Variants in OVCH1 observed in about 807,000 individuals in gnomAD.
OVCH1 encodes ovochymase 1, also known as ovochymase-1.
Under a neutral mutation model 138.4 loss-of-function variants are expected in OVCH1, and 139 were observed. That is an observed-to-expected ratio of 1.00 (90% CI 0.87 to 1.16). The LOEUF is 1.16. OVCH1 is among the 50% of genes most tolerant of loss of function. The pLI, the probability that OVCH1 is intolerant of heterozygous loss-of-function variation, is 0.00. For synonymous variants in OVCH1, 453 were observed against 467.8 expected, an observed-to-expected ratio of 0.97 and a Z score of 0.41; for missense variants, 1,367 against 1,357.9, an observed-to-expected ratio of 1.01 and a Z score of -0.11.
At chr12:29,422,269 T>G (rs1287151252) in intron 3 of OVCH1, among the ~76,000 whole-genome samples, 1 of 152,150 alleles carries the variant, frequency 6.6e-6, no homozygotes, top group Non-Finnish European at 1.5e-5. Context: ...AGATGAAATA[T>G]GGAAGGATAA....
At chr12:29,417,034 A>T (rs1169911435) in intron 3 of OVCH1, among the ~76,000 whole-genome samples, 3 of 152,250 alleles carry the variant, frequency 2.0e-5, no homozygotes, top group African/African-American at 7.2e-5. Flanking sequence ...AACTTGGATA[A>T]ATCTCCAGGG....
the OVCH1 span, among the ~76,000 whole-genome samples, chr12:29,402,242 G>GT: frequency 7.8e-3 from 1,188 of 152,150 alleles, 13 homozygotes; most frequent in African/African-American, 0.027. Context: ...AAAAGACAAA[G>GT]TAAAAATGGT....
chr12:29,440,234 G>T lies in OVCH1; in HGVS notation c.3158-800C>A, dbSNP rs1249150565. 5.3e-5 allele frequency among the ~76,000 whole-genome samples: 8 copies of T among 152,216 alleles called. No homozygotes were observed. In the East Asian group the frequency reaches 1.5e-3, roughly 29 times the overall value. On this transcript the variant is annotated intron_variant, in intron 25 of 27. Transcript: ENST00000318184. ...CCAGAGCTTGTAAACCTTATTTAGA[G>T]AAATTGAAATAGAGTCATAAAACTT...
At position 29,433,958 on chromosome 12, in the gene OVCH1, T is replaced by C. The variant is rs562196493; in HGVS notation, c.3265-145A>G. On this transcript the variant is annotated intron_variant, in intron 26 of 27. Transcript: ENST00000318184. ...TTAAAAAAAAATGAGTGTGAATGGA[T>C]TAATCTTAAGTACTGAGGGAATTCT... The C allele has an allele frequency of 9.1e-5, 58 of 636,124 alleles. No individual in the cohort carries two copies. The South Asian group carries it at 1.4e-3, about 16-fold the overall frequency. 39.4% of individuals were successfully genotyped at this position (636,124 alleles called of 1,614,324 possible).
downstream of OVCH1, among the ~76,000 whole-genome samples, chr12:29,407,619 A>C (rs1195357395): frequency 3.3e-5 from 5 of 151,816 alleles, no homozygotes; most frequent in African/African-American, 1.2e-4. Flanking sequence ...ATAGTTGTAG[A>C]TATGCAGCAT....
downstream of OVCH1, among the ~76,000 whole-genome samples, chr12:29,426,450 A>G (rs1242896245): frequency 6.6e-6 from 1 of 152,222 alleles, no homozygotes; most frequent in East Asian, 1.9e-4. Context: ...GAAACTGAAA[A>G]GTCCCAAATT....
intron 27 of OVCH1, among the ~76,000 whole-genome samples, chr12:29,432,750 G>T (rs1314174784): frequency 1.3e-5 from 2 of 152,138 alleles, no homozygotes; most frequent in African/African-American, 4.8e-5. Context: ...CTGGGTCCTG[G>T]GATACCTCAA....
downstream of OVCH1, among the ~76,000 whole-genome samples, chr12:29,410,917 G>A (rs1940946270): frequency 6.6e-6 from 1 of 151,860 alleles, no homozygotes; most frequent in South Asian, 2.1e-4. Flanking sequence ...TTCCATCTTG[G>A]TTCCATTCTC....
At chr12:29,441,317 A>G (rs904698256) in intron 25 of OVCH1, among the ~76,000 whole-genome samples, 3 of 152,180 alleles carry the variant, frequency 2.0e-5, no homozygotes, top group Non-Finnish European at 2.9e-5. Flanking sequence ...ATAACGCCAC[A>G]TATCTACAAC....
At chr12:29,449,895 C>A (rs904541250) in intron 22 of OVCH1, among the ~76,000 whole-genome samples, 2 of 152,054 alleles carry the variant, frequency 1.3e-5, no homozygotes, top group Non-Finnish European at 2.9e-5. Context: ...ACAAACCTGA[C>A]AAAAACAAGC....
chr12:29,411,455 T>C (rs887710625), downstream of OVCH1, among the ~76,000 whole-genome samples: 6 of 152,054 alleles, frequency 3.9e-5, no homozygotes, highest in African/African-American at 1.4e-4. Context: ...TGGTCTTTGA[T>C]GATGGGGATG....
chr12:29,467,290 G>A (rs1008580324), intron 16 of OVCH1, among the ~76,000 whole-genome samples: 3 of 152,118 alleles, frequency 2.0e-5, no homozygotes, highest in African/African-American at 7.2e-5. Flanking sequence ...AATGATGGTA[G>A]AATTGACAAT....
chr12:29,452,500 T>C (rs760876621), intron 21 of OVCH1, among the ~76,000 whole-genome samples: 9 of 152,186 alleles, frequency 5.9e-5, no homozygotes, highest in Non-Finnish European at 1.2e-4. Context: ...CTAAATGATT[T>C]TTCAGTCTAT....
At chr12:29,496,076 A>T in intron 3 of OVCH1, 105 bp downstream of exon 3, 1 of 1,060,268 alleles carries the variant, frequency 9.4e-7, no homozygotes, top group Non-Finnish European at 1.4e-6. Context: ...TGGGAGGCAA[A>T]AGTAAGAAAG....
chr12:29,480,735 A>AG (rs11427339), intron 8 of OVCH1, among the ~76,000 whole-genome samples: 72,572 of 151,840 alleles, frequency 0.48, 17,578 homozygotes, highest in East Asian at 0.57. Flanking sequence ...ACCAGAATAC[A>AG]GAGAGGCTTG....
At chr12:29,448,859 C>A (rs1592050956) in intron 22 of OVCH1, among the ~76,000 whole-genome samples, 1 of 152,216 alleles carries the variant, frequency 6.6e-6, no homozygotes, top group East Asian at 1.9e-4. Flanking sequence ...CAGAATCAAG[C>A]ATAAATATAT....
chr12:29,428,950 A>T (rs963954283), intron 27 of OVCH1, among the ~76,000 whole-genome samples: 2 of 152,214 alleles, frequency 1.3e-5, no homozygotes, highest in African/African-American at 4.8e-5. Flanking sequence ...ATTTCTAAAG[A>T]TTATTCAAGC....
intron 26 of OVCH1, among the ~76,000 whole-genome samples, chr12:29,435,942 C>CA (rs1221663788): frequency 1.3e-5 from 2 of 151,428 alleles, no homozygotes; most frequent in African/African-American, 2.4e-5. Context: ...TAGAGAATTT[C>CA]AAAAAAAATT....
chr12:29,433,880 A>C, intron 26 of OVCH1: 1 of 1,273,202 alleles, frequency 7.9e-7, no homozygotes, highest in Non-Finnish European at 1.0e-6. Flanking sequence ...ACATGTCCAA[A>C]AAAAAAAGAA....
Sources: allele counts gnomAD v4.1 joint callset (sites outside exome capture counted in the v4.1 genomes callset), GRCh38; gene constraint gnomAD v4.1.1; transcripts MANE v1.5; gene names NCBI Gene and HGNC (gene_info 2026-07-23, HGNC 2026-07-21).